SPAG17: variants seen among roughly 807,000 people sequenced by gnomAD.
SPAG17 encodes sperm associated antigen 17.
A neutral mutation model predicts 273.6 loss-of-function variants in SPAG17; 169 were observed. That is an observed-to-expected ratio of 0.62 (90% confidence interval 0.55 to 0.70). The LOEUF is 0.70. SPAG17 is among the 30% of genes least tolerant of loss of function. The pLI is 0.00. For missense variants in SPAG17, 2,557 were observed against 2,627.8 expected (o/e 0.97, Z 0.59); for synonymous variants, 825 against 873.2 (o/e 0.94, Z 0.97).
chr1:118,166,386 C>T (rs1317880653), intron 1 of SPAG17, among the ~76,000 whole-genome samples: 1 of 152,104 alleles, frequency 6.6e-6, no homozygotes, highest in Non-Finnish European at 1.5e-5. Context: ...AGAAAACTGG[C>T]TTAAAGACAA....
chr1:118,124,598 A>G (rs191953227), intron 3 of SPAG17, among the ~76,000 whole-genome samples: 2 of 152,264 alleles, frequency 1.3e-5, no homozygotes, highest in African/African-American at 4.8e-5. Flanking sequence ...TATTTCAAGT[A>G]GTAGTAGGTG....
chr1:118,146,713 T>C (rs1659013778), intron 3 of SPAG17, among the ~76,000 whole-genome samples: 1 of 152,148 alleles, frequency 6.6e-6, no homozygotes, highest in Admixed American at 6.5e-5. Flanking sequence ...ACTTGGTTGG[T>C]GATAAAGTAG....
chr1:118,127,233 G>C (rs1433854409), intron 3 of SPAG17, among the ~76,000 whole-genome samples: 1 of 151,862 alleles, frequency 6.6e-6, no homozygotes, highest in Non-Finnish European at 1.5e-5. Context: ...GGCCTTTCTT[G>C]CACTGCCCTA....
At chr1:118,051,683 T>C (rs1651030563) in intron 20 of SPAG17, among the ~76,000 whole-genome samples, 1 of 144,982 alleles carries the variant, frequency 6.9e-6, no homozygotes, top group African/African-American at 2.5e-5. Context: ...ATAATAGTAT[T>C]ATATAATAGT....
chr1:118,086,877 C>T lies in SPAG17; in HGVS notation c.1491G>A (p.Glu497=). 1.2e-6 allele frequency: 2 copies of T among 1,614,166 alleles called. No homozygotes were observed. Among genetic ancestry groups the T allele is most frequent in the Non-Finnish European group, 1.7e-6 (2 of 1,180,014 alleles). Residue 497 remains glutamate (E), a synonymous_variant, in exon 11 of 49, where the codon GAG becomes GAA. Transcript: ENST00000336338. ...LLPSLCLSER[E]KKNLHDIFLS... ...CTATCTCAGGCTATCTGACCTTTTTCTCCCTCTCTGAGAGACAGAGTGAGG... is the reference window on the plus strand; with the variant it reads ...CTATCTCAGGCTATCTGACCTTTTTTTCCCTCTCTGAGAGACAGAGTGAGG...
In SPAG17 at chr1:118,031,640, T is replaced by A. The variant is rs939355453; in HGVS notation, c.3609+52A>T. ...GACATAAGTCATGGTTTTAAAAAAG[T>A]TAACACTGAAGCAGAAACAGAGTTT... On this transcript the variant is annotated intron_variant, in intron 25 of 48. Coordinates refer to ENST00000336338, the MANE Select transcript of SPAG17 (RefSeq NM_206996.4). 6.3e-6 allele frequency: 10 copies of A among 1,580,570 alleles called. No individual in the cohort carries two copies. In the African/African-American group the frequency reaches 1.2e-4, roughly 19 times the overall value.
rs146004766 is a variant in SPAG17, at chr1:118,125,245, A to ATATATATATTTT, written c.316-9805_316-9804insAAAATATATATA. 1.4e-3 allele frequency among the ~76,000 whole-genome samples: 217 copies of ATATATATATTTT among 150,826 alleles called. 3 individuals carry two copies. Among genetic ancestry groups the ATATATATATTTT allele is most frequent in the African/African-American group, 5.0e-3 (206 of 40,838 alleles). ...TTATTGTATTCATATATATATATAT[A>ATATATATATTTT]TTTTTGACATATAATAATGGTAAAT... On this transcript the variant is annotated intron_variant, in intron 3 of 48. Transcript: ENST00000336338.
intron 1 of SPAG17, among the ~76,000 whole-genome samples, chr1:118,179,357 G>A (rs889815535): frequency 6.6e-6 from 1 of 151,800 alleles, no homozygotes; most frequent in African/African-American, 2.4e-5. Context: ...CAATAAATGG[G>A]AAATAAATGC....
chr1:118,111,958 T>G (rs1656787872), intron 4 of SPAG17, among the ~76,000 whole-genome samples: 1 of 152,184 alleles, frequency 6.6e-6, no homozygotes, highest in Admixed American at 6.6e-5. Context: ...ATGGACGACT[T>G]ATTTGAATTC....
intron 22 of SPAG17, among the ~76,000 whole-genome samples, chr1:118,039,765 G>A (rs1649523822): frequency 6.6e-6 from 1 of 152,040 alleles, no homozygotes. Context: ...GAACCAACCT[G>A]AATAGATATC....
rs772482715 is a variant in SPAG17 at position 118,101,888 on chromosome 1, C to T, written c.486G>A (p.Gly162=). The change falls in exon 5 of 49, where the codon GGG becomes GGA. Residue 162 remains glycine (G), a synonymous_variant. Transcript: ENST00000336338. ...EDKPKLEKDK[G]KAKSPKEKKA... is the part of the protein sequence containing the mutation. The stretch of plus-strand genomic sequence containing the variant: ...TTTTCTCCTTGGGAGATTTTGCTTT[C>T]CCTTTATCCTTTTCTAACTTAGGTT... The T allele has an allele frequency of 4.3e-6, 7 of 1,613,384 alleles. No individual in the cohort carries two copies. The South Asian group carries it at 4.4e-5, about 10-fold the overall frequency.
chr1:118,147,930 A>T (rs570268204), intron 3 of SPAG17, among the ~76,000 whole-genome samples: 1 of 152,198 alleles, frequency 6.6e-6, no homozygotes, highest in Admixed American at 6.5e-5. Flanking sequence ...GAAACCAGAA[A>T]GCCTAATTGA....
intron 3 of SPAG17, among the ~76,000 whole-genome samples, chr1:118,123,727 A>C (rs1657548236): frequency 6.6e-6 from 1 of 152,226 alleles, no homozygotes; most frequent in Non-Finnish European, 1.5e-5. Context: ...AAATGAAATA[A>C]TATTTGGCAG....
In SPAG17 at chr1:117,997,285, A is replaced by G. The variant is rs76103671; in HGVS notation, c.4777-542T>C. 3.1e-3 allele frequency among the ~76,000 whole-genome samples: 478 copies of G among 152,202 alleles called. 4 individuals carry two copies. Among genetic ancestry groups the G allele is most frequent in the African/African-American group, 0.011 (450 of 41,530 alleles). Reference sequence around the variant, plus strand: ...GGGGTGTGATTCATGCTGCAAGACCACTGAAGGGGATGCCCAAGAGGAGTA... The same window carrying G: ...GGGGTGTGATTCATGCTGCAAGACCGCTGAAGGGGATGCCCAAGAGGAGTA... On this transcript the variant is annotated intron_variant, in intron 32 of 48. Coordinates refer to ENST00000336338, the MANE Select transcript of SPAG17 (RefSeq NM_206996.4).
chr1:118,148,218 T>C (rs556676278), intron 3 of SPAG17, among the ~76,000 whole-genome samples: 5 of 152,322 alleles, frequency 3.3e-5, no homozygotes, highest in African/African-American at 1.2e-4. Context: ...TGTCCTAGTG[T>C]GTCTGGAGTT....
chr1:118,012,396 A>T, intron 29 of SPAG17, 24 bp from the exon 30 acceptor site: 1 of 1,608,746 alleles, frequency 6.2e-7, no homozygotes, highest in South Asian at 1.1e-5. Context: ...GGCAGGACAT[A>T]ATCATTTGGC....
chr1:118,036,025 T>A (rs1649035763), intron 24 of SPAG17, among the ~76,000 whole-genome samples: 1 of 152,062 alleles, frequency 6.6e-6, no homozygotes, highest in Non-Finnish European at 1.5e-5. Context: ...AGACTTCATC[T>A]CTACCAAAAA....
chr1:118,181,027 A>G (rs1405615229), intron 1 of SPAG17, among the ~76,000 whole-genome samples: 1 of 152,062 alleles, frequency 6.6e-6, no homozygotes, highest in Admixed American at 6.6e-5. Flanking sequence ...TGTAAAGTGA[A>G]TTTATATAAG....
At chr1:118,041,041 A>G (rs899776947) in intron 21 of SPAG17, among the ~76,000 whole-genome samples, 200 bp from the exon 22 acceptor site, 7 of 152,156 alleles carry the variant, frequency 4.6e-5, no homozygotes, top group African/African-American at 1.7e-4. Flanking sequence ...AAGATCTATT[A>G]TGTTAAACTC....
Sources: allele counts gnomAD v4.1 joint callset (sites outside exome capture counted in the v4.1 genomes callset), GRCh38; gene constraint gnomAD v4.1.1; transcripts MANE v1.5; gene names NCBI Gene and HGNC (gene_info 2026-07-23, HGNC 2026-07-21).